Variants in ARHGAP6 observed in about 807,000 individuals in gnomAD.
The protein encoded by ARHGAP6 is rho GTPase-activating protein 6.
ARHGAP6 carries 16 observed loss-of-function variants against 55.7 expected under a neutral mutation model. The observed-to-expected ratio is 0.29, with a 90% CI of 0.19 to 0.44. The LOEUF (loss-of-function observed/expected upper bound fraction) is 0.44. Ranked by LOEUF, ARHGAP6 falls within the 20% of genes least tolerant of loss-of-function variation. The pLI, the probability that ARHGAP6 is intolerant of heterozygous loss-of-function variation, is 1.00. For synonymous variants in ARHGAP6, 382 were observed against 360.9 expected (o/e 1.06, Z -0.66); for missense variants, 698 against 808.9 (o/e 0.86, Z 1.66).
chrX:11,266,179 C>T (rs1360084579), intron 1 of ARHGAP6, among the ~76,000 whole-genome samples: 2 of 108,565 alleles, frequency 1.8e-5, no homozygotes, highest in South Asian at 4.1e-4. Flanking sequence ...GAAATATACT[C>T]GAGTTAGAAA....
intron 1 of ARHGAP6, among the ~76,000 whole-genome samples, chrX:11,288,957 T>C (rs1025324178): frequency 8.9e-6 from 1 of 112,272 alleles, no homozygotes; most frequent in Non-Finnish European, 1.9e-5. Flanking sequence ...GGAATAAAAA[T>C]GCTTGTTTTT....
At chrX:11,304,777 C>CTTTTTTTTTTTTTTT (rs953912280) in intron 1 of ARHGAP6, among the ~76,000 whole-genome samples, 2 of 50,308 alleles carry the variant, frequency 4.0e-5, no homozygotes, top group Non-Finnish European at 7.4e-5. Context: ...CTTTCTTTTA[C>CTTTTTTTTTTTTTTT]TTTTTTTTTT....
intron 1 of ARHGAP6, among the ~76,000 whole-genome samples, chrX:11,416,555 A>G (rs972867218): frequency 4.5e-5 from 5 of 111,318 alleles, no homozygotes; most frequent in Non-Finnish European, 9.4e-5. Context: ...ATCCTGAATA[A>G]AAACAGCTAT....
chrX:11,499,648 TC>T (rs1306459303), intron 1 of ARHGAP6, among the ~76,000 whole-genome samples: 2 of 112,207 alleles, frequency 1.8e-5, no homozygotes, highest in African/African-American at 6.5e-5. Context: ...TTTTCTCACA[TC>T]TTTTTGCTAT....
At chrX:11,346,112 T>C (rs990025398) in intron 1 of ARHGAP6, among the ~76,000 whole-genome samples, 2 of 110,846 alleles carry the variant, frequency 1.8e-5, no homozygotes, top group Admixed American at 1.9e-4. Context: ...AGGCATATAT[T>C]ATAAAAGAAG....
At chrX:11,203,177 C>T (rs1306045945) in intron 2 of ARHGAP6, among the ~76,000 whole-genome samples, 4 of 111,775 alleles carry the variant, frequency 3.6e-5, no homozygotes, top group African/African-American at 6.5e-5. Flanking sequence ...GATACTTCCC[C>T]CGGGATATAC....
chrX:11,580,339 G>A (rs2051651582), intron 1 of ARHGAP6, among the ~76,000 whole-genome samples: 2 of 111,763 alleles, frequency 1.8e-5, no homozygotes, highest in Admixed American at 1.9e-4. Context: ...CAAGACTGTA[G>A]GCACATAAAT....
intron 1 of ARHGAP6, among the ~76,000 whole-genome samples, chrX:11,609,951 T>C (rs1042338325): frequency 3.6e-5 from 4 of 111,505 alleles, no homozygotes; most frequent in African/African-American, 1.3e-4. Flanking sequence ...GGTGAGCTGC[T>C]CAACACAGAC....
At position 11,379,377 on chromosome X, in the gene ARHGAP6, C is replaced by T. The variant is rs191767394; in HGVS notation, c.589-124670G>A. On this transcript the variant is annotated intron_variant, in intron 1 of 12. Coordinates refer to ENST00000337414, the MANE Select transcript of ARHGAP6 (RefSeq NM_013427.3). ...ACAGGGATGAGTGGAACACTGGGTCCATCAATACATGCTACCACACTATCC... is the reference window on the plus strand; with the variant it reads ...ACAGGGATGAGTGGAACACTGGGTCTATCAATACATGCTACCACACTATCC... 2.1e-4 allele frequency among the ~76,000 whole-genome samples: 24 copies of T among 112,073 alleles called. No homozygotes were observed. The East Asian group carries it at 5.4e-3, about 25-fold the overall frequency.
intron 1 of ARHGAP6, among the ~76,000 whole-genome samples, chrX:11,563,532 A>G (rs1253651183): frequency 1.8e-5 from 2 of 111,443 alleles, no homozygotes; most frequent in African/African-American, 6.5e-5. Flanking sequence ...GCACATGCAT[A>G]TAAGTACATA....
chrX:11,332,220 T>A (rs1272062588), intron 1 of ARHGAP6, among the ~76,000 whole-genome samples: 2 of 112,174 alleles, frequency 1.8e-5, no homozygotes, highest in African/African-American at 3.2e-5. Flanking sequence ...AGAAATATGC[T>A]TTCTCTGAAT....
At chrX:11,165,425 CA>C (rs1275221696) in intron 9 of ARHGAP6, among the ~76,000 whole-genome samples, 1 of 111,696 alleles carries the variant, frequency 9.0e-6, no homozygotes, top group Non-Finnish European at 1.9e-5. Flanking sequence ...CAGCATTATA[CA>C]CAGTGGGCAG....
At chrX:11,406,523 CAT>C (rs1220675094) in intron 1 of ARHGAP6, among the ~76,000 whole-genome samples, 1 of 111,485 alleles carries the variant, frequency 9.0e-6, no homozygotes, top group Non-Finnish European at 1.9e-5. Flanking sequence ...AACACACACA[CAT>C]ATGCCACTGC....
chrX:11,599,115 C>T lies in ARHGAP6; in HGVS notation c.588+65126G>A, dbSNP rs367778018. ...TTTATTTTCAGACTGAGTAATAAACCGTGTGTCTGTGTACCTCATCTTCTT... is the reference window on the plus strand; with the variant it reads ...TTTATTTTCAGACTGAGTAATAAACTGTGTGTCTGTGTACCTCATCTTCTT... On this transcript the variant is annotated intron_variant, in intron 1 of 12. Transcript: ENST00000337414. 6.3e-5 allele frequency among the ~76,000 whole-genome samples: 7 copies of T among 110,696 alleles called. 1 individual carries two copies. In the South Asian group the frequency reaches 2.0e-3, roughly 31 times the overall value.
chrX:11,600,030 A>G (rs780297455), intron 1 of ARHGAP6, among the ~76,000 whole-genome samples: 31 of 111,810 alleles, frequency 2.8e-4, no homozygotes, highest in African/African-American at 1.0e-3. Context: ...GCTTTCAGTG[A>G]CATAATACCC....
chrX:11,602,920 C>G (rs907142745), intron 1 of ARHGAP6, among the ~76,000 whole-genome samples: 2 of 112,401 alleles, frequency 1.8e-5, no homozygotes, highest in Admixed American at 1.9e-4. Flanking sequence ...TGGACTCATG[C>G]TTTGCCCAGA....
chrX:11,452,442 C>T (rs1215086634), intron 1 of ARHGAP6, among the ~76,000 whole-genome samples: 1 of 112,200 alleles, frequency 8.9e-6, no homozygotes, highest in Non-Finnish European at 1.9e-5. Flanking sequence ...GCCACCGCAC[C>T]AGGCCATGTT....
intron 1 of ARHGAP6, among the ~76,000 whole-genome samples, chrX:11,404,463 T>G (rs1264268480): frequency 8.9e-6 from 1 of 112,196 alleles, no homozygotes; most frequent in East Asian, 2.8e-4. Context: ...ATAATCCCTT[T>G]GTTTTGCATT....
intron 1 of ARHGAP6, among the ~76,000 whole-genome samples, chrX:11,363,385 G>A (rs1298236373): frequency 1.2e-4 from 13 of 112,360 alleles, no homozygotes; most frequent in Non-Finnish European, 1.9e-5. Context: ...TTCACATGCT[G>A]AGTAACTGGA....
Sources: gnomAD v4.1 joint callset for allele counts (sites outside exome capture counted in the v4.1 genomes callset) on GRCh38, gnomAD v4.1.1 for gene constraint, MANE v1.5 for transcripts, NCBI Gene and HGNC (gene_info 2026-07-23, HGNC 2026-07-21) for gene names.